The following HINT3 variants were observed in gnomAD, a reference collection of about 807,000 sequenced individuals.
The protein encoded by HINT3 is histidine triad nucleotide binding protein 3.
A neutral mutation model predicts 19.1 loss-of-function variants in HINT3; 16 were observed. That is an observed-to-expected ratio of 0.84 (90% confidence interval 0.57 to 1.27). The LOEUF (loss-of-function observed/expected upper bound fraction) is 1.27, where lower values mean the gene tolerates loss of function less well. Ranked by LOEUF, HINT3 falls within the 50% of genes most tolerant of loss-of-function variation. The pLI, the probability that HINT3 is intolerant of heterozygous loss-of-function variation, is 0.00. For missense variants in HINT3, 197 were observed against 225.8 expected (o/e 0.87, Z 0.82); for synonymous variants, 75 against 84.8 (o/e 0.88, Z 0.63).
intron 2 of HINT3, among the ~76,000 whole-genome samples, chr6:125,971,732 A>G (rs1448464696): frequency 1.7e-5 from 1 of 57,276 alleles, no homozygotes; most frequent in Non-Finnish European, 3.4e-5. Flanking sequence ...TTTTTTTGAG[A>G]CAGACTCTTG....
At position 125,957,198 on chromosome 6, in the gene HINT3, CG is replaced by C; in HGVS notation, c.201+25del. On this transcript the variant is annotated intron_variant, in intron 1 of 4. Coordinates refer to ENST00000229633, the MANE Select transcript of HINT3 (RefSeq NM_138571.5). The stretch of plus-strand genomic sequence containing the variant: ...TGCGAGGTGGGCGGCGACGCGCGGC[CG>C]GGGGTGGGTGAGGACCTGGCCGCCC... 1 of 1,537,688 alleles carries C rather than the reference CG, an allele frequency of 6.5e-7. No individual in the cohort carries two copies.
chr6:125,973,290 G>T (rs1274936963), intron 3 of HINT3, among the ~76,000 whole-genome samples: 1 of 151,880 alleles, frequency 6.6e-6, no homozygotes, highest in African/African-American at 2.4e-5. Flanking sequence ...TGTTGGCCAG[G>T]CTGGTCTCGA....
intron 1 of HINT3, among the ~76,000 whole-genome samples, chr6:125,963,988 A>G (rs1046815848): frequency 9.2e-5 from 14 of 152,200 alleles, no homozygotes; most frequent in African/African-American, 2.4e-4. Context: ...TTTATCTTCT[A>G]TGAAGCATCT....
At position 125,977,906 on chromosome 6, in the gene HINT3, A is replaced by G; in HGVS notation, c.*230A>G. The G allele has an allele frequency of 2.9e-6, 1 of 342,308 alleles. No individual in the cohort carries two copies. The highest frequency in any genetic ancestry group is 5.3e-6 in the Non-Finnish European group (1 of 189,844). 21.2% of individuals were successfully genotyped at this position (342,308 alleles called of 1,614,324 possible). ...TTACTTGTATAAGGATTTTATATATATGATACTATAGATAAAATCCTATTT... is the reference window on the plus strand; with the variant it reads ...TTACTTGTATAAGGATTTTATATATGTGATACTATAGATAAAATCCTATTT... On this transcript the variant is annotated 3_prime_UTR_variant, in exon 5 of 5. Coordinates refer to ENST00000229633, the MANE Select transcript of HINT3 (RefSeq NM_138571.5).
chr6:125,968,916 T>C (rs1789056941), intron 2 of HINT3, among the ~76,000 whole-genome samples: 1 of 152,254 alleles, frequency 6.6e-6, no homozygotes. Flanking sequence ...ATTGCACCTT[T>C]GTCAGATGCA....
At position 125,978,139 on chromosome 6, in the gene HINT3, A is replaced by G. The variant is rs1789203357; in HGVS notation, c.*463A>G. ...AGTTATACACATAAATTTTCAAAATAAAGAATACCATACTACACAATGATC... is the reference window on the plus strand; with the variant it reads ...AGTTATACACATAAATTTTCAAAATGAAGAATACCATACTACACAATGATC... On this transcript the variant is annotated 3_prime_UTR_variant, in exon 5 of 5. Transcript: ENST00000229633. 1 of 152,204 alleles carries G rather than the reference A, an allele frequency of 6.6e-6. No individual in the cohort carries two copies. Among genetic ancestry groups the G allele is most frequent in the African/African-American group, 2.4e-5 (1 of 41,450 alleles). 9.4% of individuals were successfully genotyped at this position (152,204 alleles called of 1,614,324 possible). A position where few individuals can be genotyped will look rare whatever the true frequency, so the allele number is the denominator to read the frequency against.
chr6:125,967,597 G>A (rs1223517031), intron 2 of HINT3, among the ~76,000 whole-genome samples: 1 of 152,128 alleles, frequency 6.6e-6, no homozygotes, highest in Admixed American at 6.5e-5. Flanking sequence ...CTCCCAAAGT[G>A]CTGGGATTAC....
chr6:125,976,733 T>G (rs1789185322), intron 4 of HINT3, among the ~76,000 whole-genome samples: 1 of 152,124 alleles, frequency 6.6e-6, no homozygotes, highest in African/African-American at 2.4e-5. Context: ...ATCTGAACTC[T>G]TCTTAAATCT....
chr6:125,956,939 T>C lies in HINT3; in HGVS notation c.-39T>C, dbSNP rs1192004643. 1 of 1,541,090 alleles carries C rather than the reference T, an allele frequency of 6.5e-7. No homozygotes were observed. Among genetic ancestry groups the C allele is most frequent in the East Asian group, 2.5e-5 (1 of 40,760 alleles). On this transcript the variant is annotated 5_prime_UTR_variant, in exon 1 of 5. Coordinates refer to ENST00000229633, the MANE Select transcript of HINT3 (RefSeq NM_138571.5). Reference sequence around the variant, plus strand: ...GGAGACTGCGCGGGCCCGGTAGCCCTGGAGAGGCCGAGGCTCTAGGCCGCG... The same window carrying C: ...GGAGACTGCGCGGGCCCGGTAGCCCCGGAGAGGCCGAGGCTCTAGGCCGCG...
chr6:125,974,741 C>A, intron 3 of HINT3, 106 bp from the exon 4 acceptor site: 1 of 1,061,788 alleles, frequency 9.4e-7, no homozygotes, highest in Non-Finnish European at 1.4e-6. Context: ...AGTCTATTTA[C>A]CTTAGGTACT....
intron 2 of HINT3, 30 bp downstream of exon 2, chr6:125,967,034 A>G (rs947428106): frequency 6.6e-5 from 89 of 1,358,182 alleles, no homozygotes; most frequent in Non-Finnish European, 8.9e-5. Flanking sequence ...CTTCATGTTT[A>G]TATCATTTTC....
chr6:125,957,207 G>T (rs1026926180), intron 1 of HINT3, 29 bp downstream of exon 1: 10 of 1,531,178 alleles, frequency 6.5e-6, no homozygotes, highest in Non-Finnish European at 8.8e-6. Context: ...CCGGGGGTGG[G>T]TGAGGACCTG....
intron 2 of HINT3, among the ~76,000 whole-genome samples, chr6:125,970,263 A>G (rs1789080031): frequency 6.6e-6 from 1 of 152,334 alleles, no homozygotes; most frequent in Non-Finnish European, 1.5e-5. Flanking sequence ...TATATGATTT[A>G]TAACTACAGT....
chr6:125,971,124 A>G (rs1015792212), intron 2 of HINT3, among the ~76,000 whole-genome samples: 80 of 152,228 alleles, frequency 5.3e-4, no homozygotes, highest in African/African-American at 1.8e-3. Context: ...CAGGTGACCA[A>G]AATTTTTTTG....
At chr6:125,965,030 T>A (rs754115357) in intron 1 of HINT3, among the ~76,000 whole-genome samples, 5 of 152,192 alleles carry the variant, frequency 3.3e-5, no homozygotes, top group Non-Finnish European at 5.9e-5. Flanking sequence ...ATTGGTAGTT[T>A]TTATTAGGAT....
intron 1 of HINT3, among the ~76,000 whole-genome samples, chr6:125,962,195 T>TAC (rs1788939953): frequency 2.1e-5 from 1 of 48,380 alleles, no homozygotes; most frequent in East Asian, 4.6e-4. Context: ...TACACATATA[T>TAC]ATATATATAT....
At chr6:125,972,198 A>C (rs1161142612) in intron 2 of HINT3, 61 bp from the exon 3 acceptor site, 1 of 1,067,870 alleles carries the variant, frequency 9.4e-7, no homozygotes, top group African/African-American at 1.6e-5. Context: ...GTGAAGATCA[A>C]TGGCAATTTG....
In HINT3 at chr6:125,956,895, C is replaced by G. The variant is rs777616463; in HGVS notation, c.-83C>G. The stretch of plus-strand genomic sequence containing the variant: ...CGAGGGGCGACGTCTCGAGGTAAAA[C>G]GGAGGAGGTGCGGGACGCGGAGACT... On this transcript the variant is annotated 5_prime_UTR_variant, in exon 1 of 5. Coordinates refer to ENST00000229633, the MANE Select transcript of HINT3 (RefSeq NM_138571.5). The G allele has an allele frequency of 8.7e-6, 12 of 1,377,942 alleles. No individual in the cohort carries two copies. Among genetic ancestry groups the G allele is most frequent in the Non-Finnish European group, 1.1e-5 (11 of 1,011,908 alleles). The allele number at this position is 1,377,942 out of a possible 1,614,324, so 85.4% of individuals were successfully genotyped here. A position where few individuals can be genotyped will look rare whatever the true frequency, so the allele number is the denominator to read the frequency against.
At chr6:125,971,012 C>A (rs1389136289) in intron 2 of HINT3, among the ~76,000 whole-genome samples, 1 of 152,164 alleles carries the variant, frequency 6.6e-6, no homozygotes, top group African/African-American at 2.4e-5. Context: ...AATATATCAG[C>A]TATCCTCTGT....
Sources: gnomAD v4.1 joint callset for allele counts (sites outside exome capture counted in the v4.1 genomes callset) on GRCh38, gnomAD v4.1.1 for gene constraint, MANE v1.5 for transcripts, NCBI Gene and HGNC (gene_info 2026-07-23, HGNC 2026-07-21) for gene names.